Variants in MOB1A observed in about 807,000 individuals in gnomAD.
The protein encoded by MOB1A is MOB1 Mps One Binder homolog A.
MOB1A carries 10 observed loss-of-function variants against 25.1 expected under a neutral mutation model. The ratio of observed to expected loss-of-function variants is 0.40; its 90% CI spans 0.25 to 0.68. The LOEUF is 0.68. Ranked by LOEUF, MOB1A falls within the 30% of genes least tolerant of loss-of-function variation. The pLI is 0.40. For synonymous variants in MOB1A, 81 were observed against 79.5 expected (o/e 1.02, Z -0.10); for missense variants, 177 against 256.3 (o/e 0.69, Z 2.11).
intron 2 of MOB1A, among the ~76,000 whole-genome samples, chr2:74,171,989 T>A (rs1166591704): frequency 6.6e-6 from 1 of 152,180 alleles, no homozygotes; most frequent in Non-Finnish European, 1.5e-5. Flanking sequence ...ATCTCTAATT[T>A]AAACTTTATT....
At chr2:74,168,262 C>G (rs1693187067) in intron 2 of MOB1A, among the ~76,000 whole-genome samples, 1 of 152,168 alleles carries the variant, frequency 6.6e-6, no homozygotes, top group African/African-American at 2.4e-5. Flanking sequence ...CCTGAGGGAG[C>G]TTCAGCTAGA....
Position 74,172,951 on chromosome 2 carries a change from C to T in MOB1A, c.15-199G>A, listed in dbSNP as rs544320784. On this transcript the variant is annotated intron_variant, in intron 1 of 5. Coordinates refer to ENST00000396049, the MANE Select transcript of MOB1A (RefSeq NM_018221.5). Reference sequence around the variant, plus strand: ...AGGAGTTCAAGACCAGCCTGACCAACATGGTGAAACCACACGTCTACTAAA... The same window carrying T: ...AGGAGTTCAAGACCAGCCTGACCAATATGGTGAAACCACACGTCTACTAAA... 4 of 579,660 alleles carry T rather than the reference C, an allele frequency of 6.9e-6. No homozygotes were observed. The East Asian group carries it at 1.3e-4, about 19-fold the overall frequency. 35.9% of individuals were successfully genotyped at this position (579,660 alleles called of 1,614,324 possible).
chr2:74,161,876 G>T (rs1572956686), intron 4 of MOB1A, among the ~76,000 whole-genome samples: 1 of 151,880 alleles, frequency 6.6e-6, no homozygotes. Context: ...AGGACCACTT[G>T]CGCCTGGGAG....
At chr2:74,157,671 G>A (rs560033200) in intron 5 of MOB1A, among the ~76,000 whole-genome samples, 204 of 152,284 alleles carry the variant, frequency 1.3e-3, no homozygotes, top group Non-Finnish European at 2.3e-3. Context: ...GTCCACTGTA[G>A]AAATGATCAC....
chr2:74,168,717 A>G (rs1008485162), intron 2 of MOB1A, among the ~76,000 whole-genome samples: 9 of 152,236 alleles, frequency 5.9e-5, no homozygotes, highest in Non-Finnish European at 1.2e-4. Flanking sequence ...TTTCTTAAAA[A>G]ACAAATAGAT....
At chr2:74,158,476 G>T in intron 5 of MOB1A, among the ~76,000 whole-genome samples, 1 of 152,256 alleles carries the variant, frequency 6.6e-6, no homozygotes, top group African/African-American at 2.4e-5. Flanking sequence ...CAAACAATGT[G>T]AATTATTTTG....
chr2:74,160,494 C>A (rs1240420500), intron 4 of MOB1A, among the ~76,000 whole-genome samples: 1 of 151,980 alleles, frequency 6.6e-6, no homozygotes, highest in African/African-American at 2.4e-5. Flanking sequence ...ACCAGCCTGG[C>A]CAAAGAGACC....
chr2:74,165,055 C>T, intron 4 of MOB1A, 163 bp downstream of exon 4: 1 of 407,178 alleles, frequency 2.5e-6, no homozygotes, highest in East Asian at 3.9e-5. Flanking sequence ...TACGGTGGCT[C>T]AAACCTGTAA....
At chr2:74,173,959 A>AG (rs1693376776) in intron 1 of MOB1A, among the ~76,000 whole-genome samples, 2 of 146,222 alleles carry the variant, frequency 1.4e-5, no homozygotes, top group African/African-American at 2.5e-5. Context: ...AAAAAAAAAA[A>AG]AAAAAAAAAA....
chr2:74,173,699 C>A (rs1310320713), intron 1 of MOB1A, among the ~76,000 whole-genome samples: 1 of 151,166 alleles, frequency 6.6e-6, no homozygotes, highest in Non-Finnish European at 1.5e-5. Context: ...GCCTGTAATC[C>A]CAGCACTTTG....
At chr2:74,175,729 A>C (rs1693434189) in intron 1 of MOB1A, among the ~76,000 whole-genome samples, 2 of 152,206 alleles carry the variant, frequency 1.3e-5, no homozygotes, top group Admixed American at 1.3e-4. Context: ...TATAGAAGTT[A>C]AGAAAACCAG....
At chr2:74,172,450 A>T (rs1181159492) in intron 2 of MOB1A, 136 bp downstream of exon 2, 1 of 818,868 alleles carries the variant, frequency 1.2e-6, no homozygotes, top group Non-Finnish European at 1.9e-6. Flanking sequence ...ATAGCTTTGG[A>T]TGTATTTGTA....
chr2:74,161,086 C>A (rs1692957910), intron 4 of MOB1A, among the ~76,000 whole-genome samples: 1 of 152,106 alleles, frequency 6.6e-6, no homozygotes, highest in South Asian at 2.1e-4. Flanking sequence ...AATAAACCTA[C>A]ATTAGTTGGC....
At position 74,167,067 on chromosome 2, in the gene MOB1A, A is replaced by G. The variant is rs762072991; in HGVS notation, c.222T>C (p.Thr74=). Residue 74 remains threonine, a synonymous_variant, in exon 3 of 6, where the codon ACT becomes ACC. Transcript: ENST00000396049. ...TTGCTTCAGTGCAGAATTCTGTAAT[A>G]GTTCCATATAACATGTTGATCTGGT... The part of the protein sequence containing the change: ...FFNQINMLYG[T]ITEFCTEASC... 5 of 1,613,880 alleles carry G rather than the reference A, an allele frequency of 3.1e-6. No individual in the cohort carries two copies. The highest frequency in any genetic ancestry group is 3.4e-6 in the Non-Finnish European group (4 of 1,179,856).
chr2:74,164,390 G>A (rs1355186619), intron 4 of MOB1A: 1 of 152,236 alleles, frequency 6.6e-6, no homozygotes, highest in Non-Finnish European at 1.5e-5. Flanking sequence ...ATGGTGGCAT[G>A]TGCCTGTAGT....
chr2:74,158,171 C>G (rs1692853870), intron 5 of MOB1A, among the ~76,000 whole-genome samples: 1 of 126,970 alleles, frequency 7.9e-6, no homozygotes, highest in Admixed American at 8.7e-5. Context: ...CAGAGCAAGA[C>G]TCTGTCTCCA....
At chr2:74,162,994 A>C (rs554335291) in intron 4 of MOB1A, among the ~76,000 whole-genome samples, 1 of 152,350 alleles carries the variant, frequency 6.6e-6, no homozygotes, top group Non-Finnish European at 1.5e-5. Flanking sequence ...CAATTTTTGT[A>C]ATATAAATGG....
chr2:74,170,632 G>C (rs1410311320), intron 2 of MOB1A, among the ~76,000 whole-genome samples: 1 of 150,964 alleles, frequency 6.6e-6, no homozygotes, highest in Non-Finnish European at 1.5e-5. Context: ...CTACTCAGGA[G>C]GCTGAGGCAG....
intron 2 of MOB1A, among the ~76,000 whole-genome samples, chr2:74,170,929 C>A (rs1369338870): frequency 2.6e-5 from 4 of 151,598 alleles, no homozygotes; most frequent in African/African-American, 7.3e-5. Context: ...TACACACAGG[C>A]CTCTTTGGAT....
Sources: allele counts gnomAD v4.1 joint callset (sites outside exome capture counted in the v4.1 genomes callset), GRCh38; gene constraint gnomAD v4.1.1; transcripts MANE v1.5; gene names NCBI Gene and HGNC (gene_info 2026-07-23, HGNC 2026-07-21).